The following ANKRD12 variants were observed in gnomAD, a reference collection of about 807,000 sequenced individuals.
ANKRD12 encodes the protein ankyrin repeat domain 12.
A neutral mutation model predicts 183.4 loss-of-function variants in ANKRD12; 85 were observed. The observed-to-expected ratio is 0.46, with a 90% CI of 0.39 to 0.56. The LOEUF (loss-of-function observed/expected upper bound fraction) is 0.56. Among genes scored for constraint, ANKRD12 ranks in the 20% least tolerant of loss-of-function variants. ANKRD12 has a pLI of 0.00. For synonymous variants in ANKRD12, 914 were observed against 800.2 expected, an observed-to-expected ratio of 1.14 and a Z score of -2.40; for missense variants, 2,405 against 2,357.1, an observed-to-expected ratio of 1.02 and a Z score of -0.42.
At chr18:9,190,066 T>C (rs2034356900) in intron 2 of ANKRD12, among the ~76,000 whole-genome samples, 1 of 152,216 alleles carries the variant, frequency 6.6e-6, no homozygotes, top group Admixed American at 6.5e-5. Flanking sequence ...TAGATGCCAT[T>C]AAAAACATTT....
chr18:9,249,617 A>G (rs1193872975), intron 8 of ANKRD12: 1 of 152,172 alleles, frequency 6.6e-6, no homozygotes, highest in Non-Finnish European at 1.5e-5. Flanking sequence ...ACAGATTACT[A>G]CCCTAATCCC....
intron 1 of ANKRD12, among the ~76,000 whole-genome samples, chr18:9,175,523 C>CTTTTTTT (rs33944736): frequency 0.083 from 4,443 of 53,360 alleles, 1,305 homozygotes; most frequent in Non-Finnish European, 0.1. Flanking sequence ...AAAGGCTCCT[C>CTTTTTTT]TTTTTTTTTT....
intron 1 of ANKRD12, among the ~76,000 whole-genome samples, chr18:9,174,117 A>C (rs2033028895): frequency 6.6e-6 from 1 of 151,956 alleles, no homozygotes; most frequent in Admixed American, 6.6e-5. Context: ...CCTGTGAGGG[A>C]CTCCTCCTCA....
At chr18:9,156,390 G>T (rs1433459152) in intron 1 of ANKRD12, among the ~76,000 whole-genome samples, 1 of 152,086 alleles carries the variant, frequency 6.6e-6, no homozygotes, top group Non-Finnish European at 1.5e-5. Flanking sequence ...AATAAAAACA[G>T]TACAGTATTG....
intron 4 of ANKRD12, among the ~76,000 whole-genome samples, chr18:9,206,149 T>C (rs1190778966): frequency 6.6e-6 from 1 of 152,116 alleles, no homozygotes; most frequent in Non-Finnish European, 1.5e-5. Context: ...GTGAATCTCT[T>C]GTATATTTTC....
At chr18:9,191,145 C>A (rs963250117) in intron 2 of ANKRD12, among the ~76,000 whole-genome samples, 1 of 151,986 alleles carries the variant, frequency 6.6e-6, no homozygotes, top group Non-Finnish European at 1.5e-5. Flanking sequence ...ATGGCTGTTG[C>A]CAGTTATTGG....
intron 8 of ANKRD12, among the ~76,000 whole-genome samples, chr18:9,223,560 A>G (rs1567935560): frequency 6.6e-6 from 1 of 152,246 alleles, no homozygotes; most frequent in Non-Finnish European, 1.5e-5. Flanking sequence ...ATGACAAAAG[A>G]TAATTTTGTG....
chr18:9,273,113 A>G (rs1167565214), intron 10 of ANKRD12, among the ~76,000 whole-genome samples: 3 of 152,184 alleles, frequency 2.0e-5, no homozygotes, highest in Non-Finnish European at 2.9e-5. Flanking sequence ...CTAGCTAGCT[A>G]CAGGTCCCAG....
chr18:9,243,773 A>T (rs1308818010), intron 8 of ANKRD12, among the ~76,000 whole-genome samples: 2 of 152,366 alleles, frequency 1.3e-5, no homozygotes, highest in Non-Finnish European at 1.5e-5. Flanking sequence ...AATGGTTTTT[A>T]AAAAATGGAC....
At chr18:9,239,952 G>A (rs746615337) in intron 8 of ANKRD12, among the ~76,000 whole-genome samples, 6 of 152,136 alleles carry the variant, frequency 3.9e-5, no homozygotes, top group African/African-American at 9.7e-5. Context: ...TCCATTAACT[G>A]TTTGTTACCA....
intron 11 of ANKRD12, among the ~76,000 whole-genome samples, chr18:9,278,414 T>C (rs976728850): frequency 3.3e-5 from 5 of 152,170 alleles, no homozygotes; most frequent in African/African-American, 1.2e-4. Context: ...AATAAATAAA[T>C]AAACTTGTAA....
intron 1 of ANKRD12, among the ~76,000 whole-genome samples, chr18:9,163,678 T>C (rs1310546052): frequency 6.6e-6 from 1 of 152,228 alleles, no homozygotes; most frequent in African/African-American, 2.4e-5. Flanking sequence ...TGGAATGTTT[T>C]TCCGTTTGTT....
chr18:9,199,107 G>A (rs967209102), intron 3 of ANKRD12, among the ~76,000 whole-genome samples: 1 of 152,050 alleles, frequency 6.6e-6, no homozygotes, highest in Non-Finnish European at 1.5e-5. Flanking sequence ...AGATTGGCCA[G>A]CAGAGTGAGA....
At chr18:9,200,077 T>A (rs1311252113) in intron 3 of ANKRD12, among the ~76,000 whole-genome samples, 1 of 152,254 alleles carries the variant, frequency 6.6e-6, no homozygotes, top group African/African-American at 2.4e-5. Flanking sequence ...GTCTACTGAA[T>A]GAGAGATTCC....
intron 2 of ANKRD12, among the ~76,000 whole-genome samples, chr18:9,191,145 C>G (rs963250117): frequency 1.3e-5 from 2 of 151,986 alleles, no homozygotes; most frequent in Admixed American, 1.3e-4. Context: ...ATGGCTGTTG[C>G]CAGTTATTGG....
chr18:9,191,772 G>A (rs571291835), intron 2 of ANKRD12, among the ~76,000 whole-genome samples: 141 of 152,152 alleles, frequency 9.3e-4, no homozygotes, highest in African/African-American at 3.2e-3. Context: ...CTCTCAGACC[G>A]ACCTATCTAG....
chr18:9,265,108 A>G (rs1260184076), intron 10 of ANKRD12, among the ~76,000 whole-genome samples: 3 of 152,256 alleles, frequency 2.0e-5, no homozygotes, highest in Non-Finnish European at 4.4e-5. Context: ...AGGCTTGAGT[A>G]GGTGAACAAA....
chr18:9,154,607 G>T lies in ANKRD12; in HGVS notation c.-52+17642G>T, dbSNP rs1202995209. Among the ~76,000 whole-genome samples the T allele has an allele frequency of 2.6e-5, 4 of 152,172 alleles. No homozygotes were observed. In the East Asian group the frequency reaches 5.8e-4, roughly 22 times the overall value. On this transcript the variant is annotated intron_variant, in intron 1 of 12. Transcript: ENST00000262126. ...TGGCTACTGCCTGTAGAAGATGGGG[G>T]TGTGTATAAGGTGGAGGTGGTGACA...
At chr18:9,243,238 A>G (rs2037761907) in intron 8 of ANKRD12, among the ~76,000 whole-genome samples, 1 of 152,200 alleles carries the variant, frequency 6.6e-6, no homozygotes, top group Admixed American at 6.5e-5. Flanking sequence ...TAGGAGACAT[A>G]GAGTCCTGCT....
Sources: allele counts gnomAD v4.1 joint callset (sites outside exome capture counted in the v4.1 genomes callset), GRCh38; gene constraint gnomAD v4.1.1; transcripts MANE v1.5; gene names NCBI Gene and HGNC (gene_info 2026-07-23, HGNC 2026-07-21).